The following TRAPPC9 variants were observed in gnomAD, a reference collection of about 807,000 sequenced individuals.
TRAPPC9 encodes the protein IKK2 binding protein.
A neutral mutation model predicts 124.0 loss-of-function variants in TRAPPC9; 83 were observed. The observed-to-expected ratio is 0.67, with a 90% CI of 0.56 to 0.80. The LOEUF (loss-of-function observed/expected upper bound fraction) is 0.80. TRAPPC9 is among the 30% of genes least tolerant of loss of function. TRAPPC9 has a pLI of 0.00. For synonymous variants in TRAPPC9, 638 were observed against 617.5 expected, an observed-to-expected ratio of 1.03 and a Z score of -0.49; for missense variants, 1,302 against 1,508.3, an observed-to-expected ratio of 0.86 and a Z score of 2.27.
At chr8:139,986,700 T>A (rs1837258124) in intron 19 of TRAPPC9, among the ~76,000 whole-genome samples, 1 of 152,300 alleles carries the variant, frequency 6.6e-6, no homozygotes. Flanking sequence ...ACTGGCTTAG[T>A]TTTTCCTTCT....
At chr8:140,417,322 C>A (rs2069972290) in intron 5 of TRAPPC9, among the ~76,000 whole-genome samples, 1 of 151,878 alleles carries the variant, frequency 6.6e-6, no homozygotes, top group African/African-American at 2.4e-5. Flanking sequence ...TGACAAAGGG[C>A]TAATATCCAG....
rs561011293 is a variant in TRAPPC9 at position 139,798,874 on chromosome 8, C to T, written c.3056-66672G>A. Among the ~76,000 whole-genome samples the T allele has an allele frequency of 3.3e-5, 5 of 152,308 alleles. No individual in the cohort carries two copies. In the South Asian group the frequency reaches 8.3e-4, roughly 25 times the overall value. On this transcript the variant is annotated intron_variant, in intron 21 of 22. Transcript: ENST00000438773. ...AAGTCTGAAATCAGAACCACCGGGC[C>T]GAGTCAAGGTGTCGGCGGGGCTGTA...
intron 9 of TRAPPC9, among the ~76,000 whole-genome samples, chr8:140,330,045 C>T (rs540740936): frequency 1.3e-5 from 2 of 152,184 alleles, no homozygotes; most frequent in South Asian, 2.1e-4. Flanking sequence ...CGCCATTGCA[C>T]TCCAGCCTGG....
intron 17 of TRAPPC9, among the ~76,000 whole-genome samples, chr8:140,147,179 T>C (rs929069476): frequency 6.6e-6 from 1 of 152,284 alleles, no homozygotes; most frequent in Non-Finnish European, 1.5e-5. Context: ...CTGGTTTTCT[T>C]AGACTATTTC....
At chr8:140,350,006 C>G (rs1367325977) in intron 9 of TRAPPC9, among the ~76,000 whole-genome samples, 2 of 152,148 alleles carry the variant, frequency 1.3e-5, no homozygotes, top group African/African-American at 2.4e-5. Flanking sequence ...CCTTAACTCC[C>G]TTTTCTAAAA....
intron 19 of TRAPPC9, among the ~76,000 whole-genome samples, chr8:139,973,301 C>G (rs181580490): frequency 6.6e-6 from 1 of 152,218 alleles, no homozygotes; most frequent in Non-Finnish European, 1.5e-5. Context: ...AGGGTGGCCA[C>G]GGGCCAGCGC....
In TRAPPC9 at chr8:139,729,402, G is replaced by A. The variant is rs1024320338; in HGVS notation, c.*1659C>T. Among the ~76,000 whole-genome samples the A allele has an allele frequency of 1.1e-4, 17 of 152,312 alleles. No homozygotes were observed. The highest frequency in any genetic ancestry group is 3.4e-4 in the African/African-American group (14 of 41,566). On this transcript the variant is annotated 3_prime_UTR_variant, in exon 23 of 23. Transcript: ENST00000438773. ...CCCAGGTGGCCAGGCCCTCAACTAC[G>A]CTGAGGCATCCTGAACGGAAGGGCT... is the stretch of plus-strand genomic sequence containing the variant.
upstream of TRAPPC9, chr8:140,458,268 C>T: frequency 1.3e-6 from 2 of 1,552,456 alleles, no homozygotes; most frequent in South Asian, 1.2e-5. Context: ...CCAGTTCTGT[C>T]CCCGCCGCTT....
At chr8:140,443,890 G>A (rs1205899675) in intron 2 of TRAPPC9, among the ~76,000 whole-genome samples, 1 of 151,678 alleles carries the variant, frequency 6.6e-6, no homozygotes, top group East Asian at 1.9e-4. Context: ...CACAAAATTA[G>A]CCAGGCGTGG....
At position 140,197,490 on chromosome 8, in the gene TRAPPC9, G is replaced by A. The variant is rs1452782103; in HGVS notation, c.2556+23969C>T. ...GAAATAAAGGCTGAATTCGAACCCC[G>A]GGGTGTTTTTGTTTTTTGTTTGGTT... On this transcript the variant is annotated intron_variant, in intron 17 of 22. Coordinates refer to ENST00000438773, the MANE Select transcript of TRAPPC9 (RefSeq NM_001160372.4). Among the ~76,000 whole-genome samples the A allele has an allele frequency of 3.9e-5, 6 of 152,180 alleles. No homozygotes were observed. In the South Asian group the frequency reaches 8.3e-4, roughly 21 times the overall value.
chr8:140,356,563 C>T (rs188452815), intron 9 of TRAPPC9, among the ~76,000 whole-genome samples: 5,502 of 137,354 alleles, frequency 0.04, 209 homozygotes, highest in African/African-American at 0.14. Flanking sequence ...ATGCAGCATA[C>T]GTATACACAC....
chr8:139,933,860 C>A (rs1833352599), intron 19 of TRAPPC9: 1 of 152,176 alleles, frequency 6.6e-6, no homozygotes, highest in African/African-American at 2.4e-5. Flanking sequence ...CATAACCCAT[C>A]AAATTTCTTT....
intron 9 of TRAPPC9, among the ~76,000 whole-genome samples, chr8:140,342,154 G>T (rs936585938): frequency 6.6e-6 from 1 of 152,178 alleles, no homozygotes; most frequent in African/African-American, 2.4e-5. Flanking sequence ...CGGGCAAACG[G>T]AAAGCAGGAC....
intron 21 of TRAPPC9, among the ~76,000 whole-genome samples, chr8:139,833,293 C>A (rs1826109209): frequency 6.6e-6 from 1 of 152,206 alleles, no homozygotes; most frequent in African/African-American, 2.4e-5. Context: ...CCGACTTCCC[C>A]TTCCTTAGCT....
chr8:140,138,853 A>G (rs1008527914), intron 17 of TRAPPC9, among the ~76,000 whole-genome samples: 7 of 152,154 alleles, frequency 4.6e-5, no homozygotes, highest in Non-Finnish European at 8.8e-5. Context: ...ACACGGCAGC[A>G]TGGTCAACCC....
intron 17 of TRAPPC9, among the ~76,000 whole-genome samples, chr8:140,025,611 G>A (rs541433587): frequency 2.0e-5 from 3 of 148,998 alleles, no homozygotes; most frequent in African/African-American, 7.4e-5. Context: ...GGAAATCAAA[G>A]CTTCTCAACT....
chr8:140,398,545 C>T lies in TRAPPC9; in HGVS notation c.1009-800G>A, dbSNP rs368834724. On this transcript the variant is annotated intron_variant, in intron 6 of 22. Coordinates refer to ENST00000438773, the MANE Select transcript of TRAPPC9 (RefSeq NM_001160372.4). ...ACTGGAGCAAAGGTGACTCTTGTTA[C>T]GTTTTAGCAAAGAAACTGGTGGCAT... Among the ~76,000 whole-genome samples the T allele has an allele frequency of 3.2e-3, 481 of 152,244 alleles. 3 individuals carry two copies. The highest frequency in any genetic ancestry group is 0.011 in the African/African-American group (466 of 41,532).
chr8:139,823,235 A>G (rs554147905), intron 21 of TRAPPC9, among the ~76,000 whole-genome samples: 2 of 152,152 alleles, frequency 1.3e-5, no homozygotes, highest in Non-Finnish European at 2.9e-5. Flanking sequence ...AGGAGCTTTG[A>G]TTGTCACAGG....
intron 5 of TRAPPC9, among the ~76,000 whole-genome samples, chr8:140,420,865 C>T (rs532674357): frequency 1.3e-5 from 2 of 152,144 alleles, no homozygotes; most frequent in South Asian, 2.1e-4. Context: ...TTCTAGTTGA[C>T]CAATGAAAAC....
Sources: gnomAD v4.1 joint callset for allele counts (sites outside exome capture counted in the v4.1 genomes callset) on GRCh38, gnomAD v4.1.1 for gene constraint, MANE v1.5 for transcripts, NCBI Gene and HGNC (gene_info 2026-07-23, HGNC 2026-07-21) for gene names.